Variants in SQSTM1 observed in about 807,000 individuals in gnomAD.
The protein encoded by SQSTM1 is sequestosome 1.
A neutral mutation model predicts 45.1 loss-of-function variants in SQSTM1; 36 were observed. That is an observed-to-expected ratio of 0.80 (90% CI 0.61 to 1.05). SQSTM1 has a LOEUF of 1.05. SQSTM1 is among the 50% of genes least tolerant of loss of function. The probability of loss-of-function intolerance (pLI) is 0.00; values close to 1 mark genes in which losing one functional copy is unlikely to be tolerated. For synonymous variants in SQSTM1, 290 were observed against 244.3 expected (o/e 1.19, Z -1.74); for missense variants, 617 against 607.1 (o/e 1.02, Z -0.17).
intron 5 of SQSTM1, among the ~76,000 whole-genome samples, chr5:179,827,619 A>T (rs1443284403): frequency 1.3e-5 from 2 of 152,262 alleles, no homozygotes; most frequent in African/African-American, 4.8e-5. Flanking sequence ...CTAAAGGCTT[A>T]AAGTGGATAG....
At position 179,836,202 on chromosome 5, in the gene SQSTM1, T is replaced by TGCCTGGTG; in HGVS notation, c.1166-234_1166-233insGCCTGGTG. On this transcript the variant is annotated intron_variant, in intron 7 of 7. Coordinates refer to ENST00000389805, the MANE Select transcript of SQSTM1 (RefSeq NM_003900.5). ...TTTCAGTGTCCATTGATGGTTCTGC[T>TGCCTGGTG]TACACACCACCTGGCTGCCTGGTGT... 4.9e-6 allele frequency: 3 copies of TGCCTGGTG among 609,240 alleles called. No individual in the cohort carries two copies. The South Asian group carries it at 5.7e-5, about 12-fold the overall frequency. 37.7% of individuals were successfully genotyped at this position (609,240 alleles called of 1,614,324 possible). A position where few individuals can be genotyped will look rare whatever the true frequency, so the allele number is the denominator to read the frequency against.
intron 1 of SQSTM1, among the ~76,000 whole-genome samples, chr5:179,811,019 G>C (rs1260060241): frequency 1.3e-5 from 2 of 152,182 alleles, no homozygotes; most frequent in Non-Finnish European, 2.9e-5. Flanking sequence ...GAGACGGGCG[G>C]ATCACGAGGT....
chr5:179,816,235 G>A (rs1283286306), upstream of SQSTM1, among the ~76,000 whole-genome samples: 1 of 152,142 alleles, frequency 6.6e-6, no homozygotes, highest in Admixed American at 6.5e-5. Context: ...TGCAACCTCC[G>A]CCTCCGAGGC....
intron 5 of SQSTM1, among the ~76,000 whole-genome samples, chr5:179,832,439 C>T (rs1310079569): frequency 6.6e-6 from 1 of 152,222 alleles, no homozygotes; most frequent in African/African-American, 2.4e-5. Context: ...ACGGCCCATC[C>T]ACCTCCCAGA....
At position 179,823,949 on chromosome 5, in the gene SQSTM1, C is replaced by T. The variant is rs761229380; in HGVS notation, c.393C>T (p.Cys131=). ...ACCCCAATGTGATCTGCGATGGCTG[C>T]AATGGGCCTGTGGTAGGAACCCGCT... ...MVHPNVICDG[C]NGPVVGTRYK... Residue 131 remains cysteine, a synonymous_variant, in exon 3 of 8, where the codon TGC becomes TGT. Coordinates refer to ENST00000389805, the MANE Select transcript of SQSTM1 (RefSeq NM_003900.5). 1 of 1,614,052 alleles carries T rather than the reference C, an allele frequency of 6.2e-7. No individual in the cohort carries two copies. Among genetic ancestry groups the T allele is most frequent in the Non-Finnish European group, 8.5e-7 (1 of 1,180,050 alleles).
At chr5:179,831,248 T>C (rs1321987588) in intron 5 of SQSTM1, among the ~76,000 whole-genome samples, 1 of 152,228 alleles carries the variant, frequency 6.6e-6, no homozygotes, top group East Asian at 1.9e-4. Flanking sequence ...AACAGGAGGC[T>C]GCACAGCAAG....
chr5:179,822,083 A>AAT (rs563124351), intron 1 of SQSTM1, among the ~76,000 whole-genome samples: 3 of 152,336 alleles, frequency 2.0e-5, no homozygotes, highest in Non-Finnish European at 4.4e-5. Context: ...ATCACCTTAT[A>AAT]AACGCCATAC....
In SQSTM1 at chr5:179,829,756, A is replaced by C. The variant is rs528175319; in HGVS notation, c.755-3276A>C. Among the ~76,000 whole-genome samples the C allele has an allele frequency of 9.2e-5, 14 of 152,360 alleles. No homozygotes were observed. In the East Asian group the frequency reaches 2.7e-3, roughly 29 times the overall value. On this transcript the variant is annotated intron_variant, in intron 5 of 7. Coordinates refer to ENST00000389805, the MANE Select transcript of SQSTM1 (RefSeq NM_003900.5). ...CCAATATAGGATGAGTAGGAATTCC[A>C]GAAAGAATAGAAAACTGAAAGGAGG...
At chr5:179,836,333 C>G in intron 7 of SQSTM1, 103 bp from the exon 8 acceptor site, 2 of 1,522,806 alleles carry the variant, frequency 1.3e-6, no homozygotes, top group Non-Finnish European at 1.8e-6. Flanking sequence ...GGCTCGGACA[C>G]TGGCAGACCC....
At chr5:179,815,379 T>C (rs1467217968), upstream of SQSTM1, among the ~76,000 whole-genome samples, 1 of 151,732 alleles carries the variant, frequency 6.6e-6, no homozygotes. Flanking sequence ...ATCAAGCCAC[T>C]GTACCCCAGC....
At position 179,833,153 on chromosome 5, in the gene SQSTM1, C is replaced by T. The variant is rs4935; in HGVS notation, c.876C>T (p.Asp292=). 910,117 of 1,613,700 alleles carry T rather than the reference C, an allele frequency of 0.56. 262,836 individuals carry two copies. Among genetic ancestry groups the T allele is most frequent in the East Asian group, 0.86 (38,550 of 44,864 alleles). The change falls in exon 6 of 8, where the codon GAC becomes GAT. Residue 292 remains aspartate (D), a synonymous_variant. Transcript: ENST00000389805. ...CACAGCCAAGCAGCTGCTGCTCTGA[C>T]CCCAGCAAGCCGGGTGGGAATGTTG... ...SSSQPSSCCS[D]PSKPGGNVEG...
chr5:179,821,883 G>A (rs148947083), intron 1 of SQSTM1, among the ~76,000 whole-genome samples: 7 of 152,162 alleles, frequency 4.6e-5, no homozygotes, highest in Non-Finnish European at 1.0e-4. Flanking sequence ...CGGCCCCTGG[G>A]AGGGTGCAGT....
chr5:179,812,723 T>C (rs1013558652), intron 2 of SQSTM1: 2 of 152,276 alleles, frequency 1.3e-5, no homozygotes, highest in Non-Finnish European at 2.9e-5. Context: ...GAGTGGCGGC[T>C]CAGCACAGGG....
At chr5:179,834,572 G>A (rs1249446771) in intron 7 of SQSTM1, among the ~76,000 whole-genome samples, 6 of 150,480 alleles carry the variant, frequency 4.0e-5, no homozygotes, top group East Asian at 3.8e-4. Flanking sequence ...CTTCCGCAGC[G>A]TTTGTGTCCC....
chr5:179,821,881 G>A (rs998821535), intron 1 of SQSTM1, among the ~76,000 whole-genome samples: 1 of 152,184 alleles, frequency 6.6e-6, no homozygotes, highest in South Asian at 2.1e-4. Context: ...GCCGGCCCCT[G>A]GGAGGGTGCA....
At chr5:179,821,253 C>A in intron 1 of SQSTM1, 112 bp downstream of exon 1, 2 of 1,055,464 alleles carry the variant, frequency 1.9e-6, no homozygotes, top group Non-Finnish European at 2.5e-6. Context: ...GTGAGGGGGT[C>A]TGCGCTGGCT....
At chr5:179,823,081 A>G (rs1757844110) in intron 2 of SQSTM1, 28 bp downstream of exon 2, 1 of 1,596,846 alleles carries the variant, frequency 6.3e-7, no homozygotes, top group South Asian at 1.1e-5. Context: ...GGGCTGCCTG[A>G]AGCCAGCTCA....
chr5:179,808,729 G>A (rs1317461558), intron 1 of SQSTM1, among the ~76,000 whole-genome samples: 1 of 152,084 alleles, frequency 6.6e-6, no homozygotes, highest in Non-Finnish European at 1.5e-5. Context: ...AAGGCAGGAG[G>A]ATCATTTGAG....
chr5:179,810,257 A>C (rs1757356976), intron 1 of SQSTM1, among the ~76,000 whole-genome samples: 1 of 151,992 alleles, frequency 6.6e-6, no homozygotes, highest in African/African-American at 2.4e-5. Context: ...TCCTAATGCT[A>C]TCCCTCCCCT....
Sources: gnomAD v4.1 joint callset for allele counts (sites outside exome capture counted in the v4.1 genomes callset) on GRCh38, gnomAD v4.1.1 for gene constraint, MANE v1.5 for transcripts, NCBI Gene and HGNC (gene_info 2026-07-23, HGNC 2026-07-21) for gene names.